The following CDC42EP4 variants were observed in gnomAD, a reference collection of about 807,000 sequenced individuals.
The protein encoded by CDC42EP4 is CDC42 effector protein (Rho GTPase binding) 4.
A neutral mutation model predicts 5.6 loss-of-function variants in CDC42EP4; 6 were observed. The ratio of observed to expected loss-of-function variants is 1.07; its 90% CI spans 0.59 to 2.12. The LOEUF is 2.12. Ranked by LOEUF, CDC42EP4 falls within the 30% of genes most tolerant of loss-of-function variation. The pLI, the probability that CDC42EP4 is intolerant of heterozygous loss-of-function variation, is 0.00. For missense variants in CDC42EP4, 490 were observed against 508.6 expected (o/e 0.96, Z 0.35); for synonymous variants, 230 against 224.2 (o/e 1.03, Z -0.23).
rs1283008816 is a variant in CDC42EP4 at position 73,288,645 on chromosome 17, C to CG, written c.-112-2034_-112-2033insC. Among the ~76,000 whole-genome samples the CG allele has an allele frequency of 2.6e-5, 4 of 152,082 alleles. 1 individual carries two copies. In the South Asian group the frequency reaches 8.3e-4, roughly 32 times the overall value. On this transcript the variant is annotated intron_variant, in intron 1 of 1. Transcript: ENST00000335793. The stretch of plus-strand genomic sequence containing the variant: ...GTGACACATGGTCCGCCTCCAACCG[C>CG]CTCCAAGCACCCACTGGAAGTCCAG...
At chr17:73,292,793 A>G (rs1390786164) in intron 1 of CDC42EP4, among the ~76,000 whole-genome samples, 3 of 152,222 alleles carry the variant, frequency 2.0e-5, no homozygotes, top group Non-Finnish European at 4.4e-5. Context: ...GCCAGGGCCC[A>G]GGTTACATAG....
At chr17:73,298,034 GA>G (rs2062197962) in intron 1 of CDC42EP4, among the ~76,000 whole-genome samples, 1 of 145,534 alleles carries the variant, frequency 6.9e-6, no homozygotes, top group Non-Finnish European at 1.5e-5. Flanking sequence ...AAGGCTTAAA[GA>G]AAAAGCATTC....
chr17:73,310,389 G>A (rs1014360817), intron 1 of CDC42EP4, among the ~76,000 whole-genome samples: 5 of 152,128 alleles, frequency 3.3e-5, no homozygotes, highest in Non-Finnish European at 7.4e-5. Flanking sequence ...ACAGATGGCT[G>A]CTGGGGTTCG....
In CDC42EP4 at chr17:73,285,302, A is replaced by G. The variant is rs938847588; in HGVS notation, c.*128T>C. 13 of 722,340 alleles carry G rather than the reference A, an allele frequency of 1.8e-5. No individual in the cohort carries two copies. Among genetic ancestry groups the G allele is most frequent in the Middle Eastern group, 3.1e-4 (1 of 3,212 alleles). The allele number at this position is 722,340 out of a possible 1,614,324, so 44.7% of individuals were successfully genotyped here. A position where few individuals can be genotyped will look rare whatever the true frequency, so the allele number is the denominator to read the frequency against. On this transcript the variant is annotated 3_prime_UTR_variant, in exon 2 of 2. Coordinates refer to ENST00000335793, the MANE Select transcript of CDC42EP4 (RefSeq NM_012121.5). This position sits in a 1 kb window ranked among gnomAD's most constrained non-coding sequence, Gnocchi z 6.8. ...GCCAGGCCAGTGTCCCTCATCTACA[A>G]GGTCCAGGGTCCATGGTCTGAATCA...
At chr17:73,309,209 G>A (rs1362045377) in intron 1 of CDC42EP4, among the ~76,000 whole-genome samples, 4 of 151,832 alleles carry the variant, frequency 2.6e-5, no homozygotes, top group South Asian at 2.1e-4. Flanking sequence ...ATGGCTGGGC[G>A]TGGTGGTGGG....
At position 73,285,264 on chromosome 17, in the gene CDC42EP4, C is replaced by T. The variant is rs1480294620; in HGVS notation, c.*166G>A. On this transcript the variant is annotated 3_prime_UTR_variant, in exon 2 of 2. Transcript: ENST00000335793. The surrounding 1 kb of genome is among the most constrained non-coding windows in gnomAD (Gnocchi z 6.8). ...ACCCATGCCAGCCCCCTACGTCCTC[C>T]GAAGACCCGAGGGCCAGGCCAGTGT... 2.2e-5 allele frequency: 12 copies of T among 542,516 alleles called. No homozygotes were observed. The highest frequency in any genetic ancestry group is 6.9e-5 in the South Asian group (2 of 28,996). 33.6% of individuals were successfully genotyped at this position (542,516 alleles called of 1,614,324 possible).
At chr17:73,297,924 G>C (rs1188582489) in intron 1 of CDC42EP4, among the ~76,000 whole-genome samples, 1 of 151,226 alleles carries the variant, frequency 6.6e-6, no homozygotes, top group Non-Finnish European at 1.5e-5. Flanking sequence ...CTCCCAAAGT[G>C]CTGGGATTAC....
At chr17:73,307,600 A>G (rs1279156777) in intron 1 of CDC42EP4, among the ~76,000 whole-genome samples, 2 of 150,594 alleles carry the variant, frequency 1.3e-5, no homozygotes, top group Admixed American at 6.6e-5. Context: ...GGCGCCCACC[A>G]CCAAGCCTAG....
intron 1 of CDC42EP4, among the ~76,000 whole-genome samples, chr17:73,295,037 C>T (rs1366818250): frequency 1.3e-5 from 2 of 152,080 alleles, no homozygotes; most frequent in South Asian, 2.1e-4. Context: ...GTCTCAAACT[C>T]CTGACCTCAG....
rs1418210754 is a variant in CDC42EP4 at position 73,284,714 on chromosome 17, G to T, written c.*716C>A. 2 of 152,212 alleles carry T rather than the reference G, an allele frequency of 1.3e-5. No individual in the cohort carries two copies. Among genetic ancestry groups the T allele is most frequent in the African/African-American group, 4.8e-5 (2 of 41,452 alleles). 9.4% of individuals were successfully genotyped at this position (152,212 alleles called of 1,614,324 possible). ...AATAAAGAACAAACAAGCCCCTAGG[G>T]ACTGAGCGAGTGCCCTAGCCCTGTT... On this transcript the variant is annotated 3_prime_UTR_variant, in exon 2 of 2. Transcript: ENST00000335793.
chr17:73,286,155 C>A lies in CDC42EP4; in HGVS notation c.346G>T (p.Ala116Ser). The A allele has an allele frequency of 1.2e-6, 2 of 1,614,106 alleles. No homozygotes were observed. Among genetic ancestry groups the A allele is most frequent in the Non-Finnish European group, 1.7e-6 (2 of 1,180,028 alleles). Residue 116 changes from alanine to serine, a missense_variant, in exon 2 of 2, where the codon GCC becomes TCC. Ala to Ser is a moderately conservative substitution (Grantham distance 99). Coordinates refer to ENST00000335793, the MANE Select transcript of CDC42EP4 (RefSeq NM_012121.5). The surrounding 1 kb of genome is among the most constrained non-coding windows in gnomAD (Gnocchi z 7.7). Reference protein sequence around the residue: ...LRDSALFVKNAMSLPQLNEKE... With the variant: ...LRDSALFVKNSMSLPQLNEKE... ...TCATTGAGCTGGGGCAGGGACATGGCATTCTTGACAAACAGGGCCGAGTCC... is the reference window on the plus strand; with the variant it reads ...TCATTGAGCTGGGGCAGGGACATGGAATTCTTGACAAACAGGGCCGAGTCC...
intron 1 of CDC42EP4, among the ~76,000 whole-genome samples, chr17:73,302,041 C>G (rs527516873): frequency 6.6e-6 from 1 of 152,300 alleles, no homozygotes; most frequent in Non-Finnish European, 1.5e-5. Flanking sequence ...ACTGTGTTGG[C>G]CAGGCTGGTC....
chr17:73,308,743 G>C (rs912694774), intron 1 of CDC42EP4, among the ~76,000 whole-genome samples: 7 of 152,088 alleles, frequency 4.6e-5, no homozygotes, highest in Admixed American at 4.6e-4. Flanking sequence ...TGTTAAGAAG[G>C]GTTGGCCAGG....
chr17:73,294,746 CCACA>C (rs374824297), intron 1 of CDC42EP4, among the ~76,000 whole-genome samples: 1 of 151,902 alleles, frequency 6.6e-6, no homozygotes, highest in African/African-American at 2.4e-5. Context: ...CACACACACA[CCACA>C]CACACACACG....
chr17:73,285,766 G>A lies in CDC42EP4; in HGVS notation c.735C>T (p.Ala245=), dbSNP rs373678950. ...GGGGAGCCTGGGTGATGGTGCCAGC[G>A]GCGCCCTCATCGCCATGGTAACCAC... ...GEGGYHGDEG[A]AGTITQAPPY... Residue 245 remains alanine, a synonymous_variant, in exon 2 of 2, where the codon GCC becomes GCT. Coordinates refer to ENST00000335793, the MANE Select transcript of CDC42EP4 (RefSeq NM_012121.5). The surrounding 1 kb of genome is among the most constrained non-coding windows in gnomAD (Gnocchi z 6.8). 1.0e-4 allele frequency: 162 copies of A among 1,597,526 alleles called. 1 individual carries two copies. The highest frequency in any genetic ancestry group is 7.0e-4 in the Admixed American group (42 of 59,676).
At position 73,285,297 on chromosome 17, in the gene CDC42EP4, C is replaced by G; in HGVS notation, c.*133G>C. ...CGAGGGCCAGGCCAGTGTCCCTCATCTACAAGGTCCAGGGTCCATGGTCTG... is the reference window on the plus strand; with the variant it reads ...CGAGGGCCAGGCCAGTGTCCCTCATGTACAAGGTCCAGGGTCCATGGTCTG... On this transcript the variant is annotated 3_prime_UTR_variant, in exon 2 of 2. Coordinates refer to ENST00000335793, the MANE Select transcript of CDC42EP4 (RefSeq NM_012121.5). The surrounding 1 kb of genome is among the most constrained non-coding windows in gnomAD (Gnocchi z 6.8). 1.4e-6 allele frequency: 1 copy of G among 709,538 alleles called. No homozygotes were observed. The highest frequency in any genetic ancestry group is 2.3e-6 in the Non-Finnish European group (1 of 436,242). 44.0% of individuals were successfully genotyped at this position (709,538 alleles called of 1,614,324 possible).
intron 1 of CDC42EP4, among the ~76,000 whole-genome samples, chr17:73,291,856 G>A (rs765317179): frequency 6.6e-6 from 1 of 152,164 alleles, no homozygotes; most frequent in Non-Finnish European, 1.5e-5. Context: ...GGAACGAGGA[G>A]CCCTCCCCAG....
In CDC42EP4 at chr17:73,299,444, T is replaced by TACACACACAC. The variant is rs71154990; in HGVS notation, c.-113+12439_-113+12448dup. Among the ~76,000 whole-genome samples the TACACACACAC allele has an allele frequency of 4.1e-3, 520 of 127,968 alleles. 3 individuals carry two copies. The highest frequency in any genetic ancestry group is 0.014 in the African/African-American group (484 of 33,878). The allele number at this position is 127,968 out of a possible 152,430, so 84.0% of individuals were successfully genotyped here. A position where few individuals can be genotyped will look rare whatever the true frequency, so the allele number is the denominator to read the frequency against. On this transcript the variant is annotated intron_variant, in intron 1 of 1. Transcript: ENST00000335793. ...GACTCCGTCCTAAAAAAAAAAAAAA[T>TACACACACAC]ACACACACACACACACACACACACA...
chr17:73,287,765 G>A (rs1380544878), intron 1 of CDC42EP4, among the ~76,000 whole-genome samples: 1 of 152,130 alleles, frequency 6.6e-6, no homozygotes, highest in Non-Finnish European at 1.5e-5. Context: ...CCCCAGTCCA[G>A]ACCCACTCTT....
Sources: gnomAD v4.1 joint callset for allele counts (sites outside exome capture counted in the v4.1 genomes callset) on GRCh38, gnomAD v4.1.1 for gene constraint, Gnocchi (gnomAD v3.1) non-coding constraint, MANE v1.5 for transcripts, NCBI Gene and HGNC (gene_info 2026-07-23, HGNC 2026-07-21) for gene names.